Variants in PLCE1 observed in about 807,000 individuals in gnomAD.
PLCE1 encodes 1-phosphatidylinositol 4,5-bisphosphate phosphodiesterase epsilon-1.
A neutral mutation model predicts 242.8 loss-of-function variants in PLCE1; 119 were observed. That is an observed-to-expected ratio of 0.49 (90% CI 0.42 to 0.57). The LOEUF (loss-of-function observed/expected upper bound fraction) is 0.57. PLCE1 is among the 20% of genes least tolerant of loss of function. The pLI, the probability that PLCE1 is intolerant of heterozygous loss-of-function variation, is 0.00. For synonymous variants in PLCE1, 945 were observed against 1,017.4 expected (o/e 0.93, Z 1.35); for missense variants, 2,441 against 2,788.8 (o/e 0.88, Z 2.81).
intron 2 of PLCE1, among the ~76,000 whole-genome samples, chr10:94,076,740 G>T (rs2044514044): frequency 6.6e-6 from 1 of 150,412 alleles, no homozygotes; most frequent in African/African-American, 2.5e-5. Context: ...GAAGGCCAGG[G>T]TGCTGGAAGC....
In PLCE1 at chr10:94,328,679, C is replaced by G. The variant is rs541802100; in HGVS notation, c.*736C>G. The G allele has an allele frequency of 6.6e-6, 1 of 152,236 alleles. No individual in the cohort carries two copies. The highest frequency in any genetic ancestry group is 2.4e-5 in the African/African-American group (1 of 41,530). The allele number at this position is 152,236 out of a possible 1,614,324, so 9.4% of individuals were successfully genotyped here. A position where few individuals can be genotyped will look rare whatever the true frequency, so the allele number is the denominator to read the frequency against. On this transcript the variant is annotated 3_prime_UTR_variant, in exon 33 of 33. Coordinates refer to ENST00000371380, the MANE Select transcript of PLCE1 (RefSeq NM_016341.4). Reference sequence around the variant, plus strand: ...TGGGGCATTTCAAGTGTAAATATGTCCTATAACATAAGAGTCATTAAAATT... The same window carrying G: ...TGGGGCATTTCAAGTGTAAATATGTGCTATAACATAAGAGTCATTAAAATT...
intron 3 of PLCE1, among the ~76,000 whole-genome samples, chr10:94,165,114 T>C (rs528075136): frequency 6.6e-6 from 1 of 152,338 alleles, no homozygotes; most frequent in South Asian, 2.1e-4. Context: ...GTCTGTCTGT[T>C]CTCAGATCTC....
At chr10:94,320,931 G>C (rs555408919) in intron 29 of PLCE1, among the ~76,000 whole-genome samples, 2 of 152,284 alleles carry the variant, frequency 1.3e-5, no homozygotes, top group African/African-American at 2.4e-5. Context: ...AATAAGGTGG[G>C]AGAAGGAAAA....
chr10:94,227,466 G>T lies in PLCE1; in HGVS notation c.1955+15G>T. Reference sequence around the variant, plus strand: ...GCTGGCCTCAGGTATAGTCAGTGGGGAATATGGTTATCTTGGCACAATCGC... The same window carrying T: ...GCTGGCCTCAGGTATAGTCAGTGGGTAATATGGTTATCTTGGCACAATCGC... On this transcript the variant is annotated intron_variant, in intron 5 of 32. Coordinates refer to ENST00000371380, the MANE Select transcript of PLCE1 (RefSeq NM_016341.4). 6.2e-7 allele frequency: 1 copy of T among 1,611,546 alleles called. No homozygotes were observed. Among genetic ancestry groups the T allele is most frequent in the Non-Finnish European group, 8.5e-7 (1 of 1,177,620 alleles).
chr10:94,175,213 A>T (rs979029605), intron 4 of PLCE1, among the ~76,000 whole-genome samples: 1 of 152,132 alleles, frequency 6.6e-6, no homozygotes, highest in Admixed American at 6.5e-5. Flanking sequence ...GTAAAACCTG[A>T]CTTGCTAATT....
intron 3 of PLCE1, among the ~76,000 whole-genome samples, chr10:94,170,468 A>G (rs17515035): frequency 0.13 from 19,291 of 152,272 alleles, 1,594 homozygotes; most frequent in South Asian, 0.33. Flanking sequence ...CTTCCATCTC[A>G]TGAACTGCCA....
rs1256842157 is a variant in PLCE1, at chr10:94,325,009, A to G, written c.6838A>G (p.Ser2280Gly). The change falls in exon 32 of 33, where the codon AGT becomes GGT. Residue 2280 changes from serine to glycine, a missense_variant. Ser to Gly is a moderately conservative substitution (Grantham distance 56, BLOSUM62 0). This residue lies in a region of PLCE1 where 310 missense variants were observed against 317.2 expected (regional missense o/e 0.98). Transcript: ENST00000371380. ...TSPSQLLTSE[S>G]IQTKEEKPVG... Reference sequence around the variant, plus strand: ...ACCTTCTCAGCTCTTGACCTCAGAAAGTATCCAAACCAAGGAGGAGAAACC... The same window carrying G: ...ACCTTCTCAGCTCTTGACCTCAGAAGGTATCCAAACCAAGGAGGAGAAACC... 1 of 1,614,204 alleles carries G rather than the reference A, an allele frequency of 6.2e-7. No homozygotes were observed. The highest frequency in any genetic ancestry group is 1.1e-5 in the South Asian group (1 of 91,082).
rs2053191727 is a variant in PLCE1 at position 94,306,098 on chromosome 10, A to G, written c.5623-329A>G. Among the ~76,000 whole-genome samples, 1 of 151,640 alleles carries G rather than the reference A, an allele frequency of 6.6e-6. No individual in the cohort carries two copies. The highest frequency in any genetic ancestry group is 6.6e-5 in the Admixed American group (1 of 15,228). The stretch of plus-strand genomic sequence containing the variant: ...GCAATTCCCCTGCCTCAGCCTCCCT[A>G]ATAGCTGGGACTACAGGCGCACACC... On this transcript the variant is annotated intron_variant, in intron 25 of 32. Transcript: ENST00000371380. The surrounding 1 kb of genome is among the most constrained non-coding windows in gnomAD (Gnocchi z 5.7).
intron 4 of PLCE1, among the ~76,000 whole-genome samples, chr10:94,179,325 C>T (rs987573646): frequency 3.9e-5 from 6 of 151,936 alleles, no homozygotes; most frequent in African/African-American, 1.5e-4. Context: ...CAGTCAGCAC[C>T]CACACAGGGC....
At chr10:94,115,745 T>G (rs2046106051) in intron 2 of PLCE1, among the ~76,000 whole-genome samples, 1 of 152,246 alleles carries the variant, frequency 6.6e-6, no homozygotes, top group South Asian at 2.1e-4. Context: ...TTTCTTTTGC[T>G]GGTTCTTGCA....
intron 24 of PLCE1, among the ~76,000 whole-genome samples, chr10:94,301,442 G>T (rs1188341854): frequency 6.6e-6 from 1 of 152,088 alleles, no homozygotes; most frequent in Admixed American, 6.5e-5. Flanking sequence ...TTGTTGAAAA[G>T]AATTTCCAGG....
chr10:94,323,911 C>T (rs1434376789), intron 30 of PLCE1, among the ~76,000 whole-genome samples: 1 of 152,210 alleles, frequency 6.6e-6, no homozygotes, highest in Non-Finnish European at 1.5e-5. Context: ...ATTCTTTCAA[C>T]ATCCAAGACT....
chr10:94,233,546 G>T (rs1486483516), intron 5 of PLCE1, among the ~76,000 whole-genome samples: 1 of 152,316 alleles, frequency 6.6e-6, no homozygotes, highest in East Asian at 1.9e-4. Context: ...ATGCCTATTT[G>T]TGTTTGTATC....
In PLCE1 at chr10:94,298,273, T is replaced by C; in HGVS notation, c.5168-106T>C. 1.0e-6 allele frequency: 1 copy of C among 973,730 alleles called. No homozygotes were observed. Among genetic ancestry groups the C allele is most frequent in the Non-Finnish European group, 1.6e-6 (1 of 620,866 alleles). 60.3% of individuals were successfully genotyped at this position (973,730 alleles called of 1,614,324 possible). A position where few individuals can be genotyped will look rare whatever the true frequency, so the allele number is the denominator to read the frequency against. ...GTAAAATCCAAGAGGTATTCTGATGTGGTTTATATGCTATGACTGTTTACT... is the reference window on the plus strand; with the variant it reads ...GTAAAATCCAAGAGGTATTCTGATGCGGTTTATATGCTATGACTGTTTACT... On this transcript the variant is annotated intron_variant, in intron 23 of 32. Transcript: ENST00000371380. The surrounding 1 kb of genome is among the most constrained non-coding windows in gnomAD (Gnocchi z 5.2).
At chr10:94,269,758 T>C (rs1419211710) in intron 17 of PLCE1, among the ~76,000 whole-genome samples, 1 of 152,228 alleles carries the variant, frequency 6.6e-6, no homozygotes, top group Non-Finnish European at 1.5e-5. Context: ...GTTAGCATTA[T>C]AATGTAATGA....
At chr10:94,292,658 A>G (rs2052681351) in intron 22 of PLCE1, among the ~76,000 whole-genome samples, 1 of 152,196 alleles carries the variant, frequency 6.6e-6, no homozygotes, top group African/African-American at 2.4e-5. Context: ...GCTCTTAAAC[A>G]CTACTCTATC....
chr10:94,210,488 A>C (rs2049298468), intron 4 of PLCE1, among the ~76,000 whole-genome samples: 1 of 152,180 alleles, frequency 6.6e-6, no homozygotes, highest in Admixed American at 6.5e-5. Flanking sequence ...AGCAGGCTTT[A>C]ACTTGAGCTT....
At chr10:94,143,125 C>A (rs1472084556) in intron 3 of PLCE1, among the ~76,000 whole-genome samples, 2 of 152,186 alleles carry the variant, frequency 1.3e-5, no homozygotes, top group African/African-American at 4.8e-5. Flanking sequence ...GTTTCTACAA[C>A]CATTTAAGTA....
intron 2 of PLCE1, among the ~76,000 whole-genome samples, 155 bp from the exon 3 acceptor site, chr10:94,132,019 G>A (rs1389948269): frequency 6.6e-6 from 1 of 152,202 alleles, no homozygotes; most frequent in Non-Finnish European, 1.5e-5. Context: ...TCTGTAGAAT[G>A]TTCAGGTTAA....
Sources: allele counts gnomAD v4.1 joint callset (sites outside exome capture counted in the v4.1 genomes callset), GRCh38; gene constraint gnomAD v4.1.1; regional missense constraint gnomAD v4.1.1; non-coding constraint Gnocchi (gnomAD v3.1); transcripts MANE v1.5; gene names NCBI Gene and HGNC (gene_info 2026-07-23, HGNC 2026-07-21).